DNAH9: variants seen among roughly 807,000 people sequenced by gnomAD.
The protein encoded by DNAH9 is DNAH9 variant protein.
In DNAH9, 345 loss-of-function variants were observed where a neutral mutation model predicts 471.6. That is an observed-to-expected ratio of 0.73 (90% CI 0.67 to 0.80). The LOEUF (loss-of-function observed/expected upper bound fraction) is 0.80. Ranked by LOEUF, DNAH9 falls within the 30% of genes least tolerant of loss-of-function variation. DNAH9 has a pLI of 0.00. For synonymous variants in DNAH9, 2,093 were observed against 2,123.6 expected (o/e 0.99, Z 0.40); for missense variants, 5,407 against 5,609.2 (o/e 0.96, Z 1.15).
chr17:11,660,102 TATTA>T (rs1263108179), intron 14 of DNAH9, among the ~76,000 whole-genome samples: 4 of 152,144 alleles, frequency 2.6e-5, no homozygotes, highest in East Asian at 1.9e-4. Context: ...TTTTCTAGTT[TATTA>T]ATTTATGTTT....
In DNAH9 at chr17:11,812,056, C is replaced by CATATATATATATACAT. The variant is rs371646004; in HGVS notation, c.8707+1688_8707+1689insTATATATATATACATA. Among the ~76,000 whole-genome samples the CATATATATATATACAT allele has an allele frequency of 6.3e-4, 40 of 63,412 alleles. 1 individual carries two copies. The highest frequency in any genetic ancestry group is 1.8e-3 in the Admixed American group (9 of 4,872). The allele number at this position is 63,412 out of a possible 152,430, so 41.6% of individuals were successfully genotyped here. A position where few individuals can be genotyped will look rare whatever the true frequency, so the allele number is the denominator to read the frequency against. On this transcript the variant is annotated intron_variant, in intron 45 of 68. Coordinates refer to ENST00000262442, the MANE Select transcript of DNAH9 (RefSeq NM_001372.4). ...ATATATATATATATATATATATATA[C>CATATATATATATACAT]ACATACATACACACATACATCCAAG...
rs1597786626 is a variant in DNAH9, at chr17:11,883,469, A to T, written c.10807-117A>T. On this transcript the variant is annotated intron_variant, in intron 55 of 68. Transcript: ENST00000262442. ...TGCTCATGGTCTGAAGCTCTTTGCC[A>T]TTCTGCCTCCACTTTACTATCTTTA... The T allele has an allele frequency of 3.1e-5, 41 of 1,328,600 alleles. 2 individuals are homozygous for T. In the African/African-American group the frequency reaches 3.8e-4, roughly 12 times the overall value. 82.3% of individuals were successfully genotyped at this position (1,328,600 alleles called of 1,614,324 possible). A position where few individuals can be genotyped will look rare whatever the true frequency, so the allele number is the denominator to read the frequency against.
chr17:11,701,370 A>G, intron 24 of DNAH9, 123 bp downstream of exon 24: 1 of 1,092,630 alleles, frequency 9.2e-7, no homozygotes, highest in South Asian at 1.5e-5. Context: ...GGGAGGCTTG[A>G]ATCCCAGACC....
intron 26 of DNAH9, 94 bp from the exon 27 acceptor site, chr17:11,719,240 C>A: frequency 7.7e-7 from 1 of 1,297,482 alleles, no homozygotes; most frequent in Non-Finnish European, 1.1e-6. Context: ...GCTTTCTTTT[C>A]AGAAGCTATG....
At chr17:11,818,368 G>A (rs933037549) in intron 45 of DNAH9, among the ~76,000 whole-genome samples, 3 of 151,910 alleles carry the variant, frequency 2.0e-5, no homozygotes, top group Admixed American at 1.3e-4. Context: ...GGCAGAGGTT[G>A]CAGTGAGCCA....
chr17:11,969,383 G>C lies in DNAH9; in HGVS notation c.13317G>C (p.Lys4439Asn). 3.7e-6 allele frequency: 6 copies of C among 1,614,096 alleles called. No individual in the cohort carries two copies. The highest frequency in any genetic ancestry group is 5.1e-6 in the Non-Finnish European group (6 of 1,180,014). The stretch of plus-strand genomic sequence containing the variant: ...TCATCAAGGCCATTCCTGCAGATAA[G>C]CAGGACTGCCGCAGTGTCTATTCCT... ...VMFIKAIPAD[K>N]QDCRSVYSCP... The change falls in exon 69 of 69, where the codon AAG (lysine) becomes AAC (asparagine). Residue 4439 changes from lysine to asparagine, a missense_variant. Physicochemically the swap from Lys to Asn is moderately conservative, Grantham distance 94. Coordinates refer to ENST00000262442, the MANE Select transcript of DNAH9 (RefSeq NM_001372.4).
intron 61 of DNAH9, among the ~76,000 whole-genome samples, chr17:11,917,295 T>C (rs949600183): frequency 7.9e-5 from 12 of 152,130 alleles, no homozygotes; most frequent in Admixed American, 7.9e-4. Flanking sequence ...TAGCTGGGAT[T>C]ACAGGCGCCC....
intron 35 of DNAH9, among the ~76,000 whole-genome samples, chr17:11,762,760 T>TTTTTTTTG (rs1567783148): frequency 9.6e-6 from 1 of 103,998 alleles, no homozygotes; most frequent in Non-Finnish European, 2.1e-5. Context: ...TTAGGTGCGT[T>TTTTTTTTG]TTTTTTTTTG....
At position 11,626,307 on chromosome 17, in the gene DNAH9, C is replaced by G. The variant is rs2072969306; in HGVS notation, c.1351-3110C>G. Among the ~76,000 whole-genome samples, 1 of 152,120 alleles carries G rather than the reference C, an allele frequency of 6.6e-6. No homozygotes were observed. Among genetic ancestry groups the G allele is most frequent in the African/African-American group, 2.4e-5 (1 of 41,406 alleles). ...ACTTTTAAATAAACAATGAAAAGAACTTACATTTACATAATTTAAGAATCG... is the reference window on the plus strand; with the variant it reads ...ACTTTTAAATAAACAATGAAAAGAAGTTACATTTACATAATTTAAGAATCG... On this transcript the variant is annotated intron_variant, in intron 6 of 68. Coordinates refer to ENST00000262442, the MANE Select transcript of DNAH9 (RefSeq NM_001372.4). The surrounding 1 kb of genome is among the most constrained non-coding windows in gnomAD (Gnocchi z 4.3).
At chr17:11,871,829 G>A in intron 52 of DNAH9, 43 bp downstream of exon 52, 1 of 1,595,630 alleles carries the variant, frequency 6.3e-7, no homozygotes, top group South Asian at 1.1e-5. Context: ...CAGCCTCTGG[G>A]CACCAATGGG....
rs1483925713 is a variant in DNAH9, at chr17:11,937,104, G to A, written c.12490-248G>A. 6.6e-6 allele frequency among the ~76,000 whole-genome samples: 1 copy of A among 152,106 alleles called. No individual in the cohort carries two copies. Among genetic ancestry groups the A allele is most frequent in the East Asian group, 1.9e-4 (1 of 5,184 alleles). ...TGTGGAGATAGATAAAGTCATCTAAGCCTCCCAGAAAAAAGAGAATGATAG... is the reference window on the plus strand; with the variant it reads ...TGTGGAGATAGATAAAGTCATCTAAACCTCCCAGAAAAAAGAGAATGATAG... On this transcript the variant is annotated intron_variant, in intron 65 of 68. Transcript: ENST00000262442. The surrounding 1 kb of genome is among the most constrained non-coding windows in gnomAD (Gnocchi z 4.1).
intron 26 of DNAH9, among the ~76,000 whole-genome samples, chr17:11,714,740 G>A (rs1373821309): frequency 6.6e-6 from 1 of 152,166 alleles, no homozygotes; most frequent in Non-Finnish European, 1.5e-5. Flanking sequence ...CAGATTTGAG[G>A]CATGAGAAGA....
Position 11,961,867 on chromosome 17 carries a change from G to A in DNAH9, c.12844G>A (p.Gly4282Arg), listed in dbSNP as rs770458735. 4 of 1,596,936 alleles carry A rather than the reference G, an allele frequency of 2.5e-6. No homozygotes were observed. Among genetic ancestry groups the A allele is most frequent in the Non-Finnish European group, 2.6e-6 (3 of 1,169,552 alleles). Reference protein sequence around the residue: ...SLRELELGLKGELTMTSHMEN... With the variant: ...SLRELELGLKRELTMTSHMEN... The stretch of plus-strand genomic sequence containing the variant: ...TCCCCCTCCCATTCTTTATCTTCAG[G>A]GGGAGCTGACTATGACCAGCCACAT... Residue 4282 changes from glycine to arginine, a missense_variant and splice_region_variant, in exon 68 of 69, where the codon GGG (glycine) becomes AGG (arginine). This residue lies in a region of DNAH9 where 4,636 missense variants were observed against 4,900.3 expected (regional missense o/e 0.95). Coordinates refer to ENST00000262442, the MANE Select transcript of DNAH9 (RefSeq NM_001372.4).
rs887233 is a variant in DNAH9, at chr17:11,699,983, G to T, written c.5025+100G>T. The T allele has an allele frequency of 0.94, 1,166,793 of 1,242,240 alleles. 558,932 individuals carry two copies. Among genetic ancestry groups the T allele is most frequent in the Non-Finnish European group, 0.99 (871,322 of 884,006 alleles). The allele number at this position is 1,242,240 out of a possible 1,614,324, so 77.0% of individuals were successfully genotyped here. The stretch of plus-strand genomic sequence containing the variant: ...CTCTAGGAGGGCCTTTCTGACCTTG[G>T]TCCAGAGCTGCTGTCCATGCCCTCC... On this transcript the variant is annotated intron_variant, in intron 23 of 68. Coordinates refer to ENST00000262442, the MANE Select transcript of DNAH9 (RefSeq NM_001372.4).
At chr17:11,797,319 A>G (rs1235245185) in intron 42 of DNAH9, among the ~76,000 whole-genome samples, 1 of 152,128 alleles carries the variant, frequency 6.6e-6, no homozygotes, top group Non-Finnish European at 1.5e-5. Context: ...CTTCTCACAG[A>G]AGCACTCTCT....
chr17:11,822,551 A>T lies in DNAH9; in HGVS notation c.8964A>T (p.Ala2988=), dbSNP rs1228194376. The change falls in exon 47 of 69, where the codon GCA becomes GCT. Residue 2988 remains alanine (A), a synonymous_variant. Coordinates refer to ENST00000262442, the MANE Select transcript of DNAH9 (RefSeq NM_001372.4). ...IHWFHEWPQQ[A]LESVSLRFLQ... ...GGTTCCACGAGTGGCCTCAGCAAGCATTGGAGTCTGTCAGCCTCCGCTTCT... is the reference window on the plus strand; with the variant it reads ...GGTTCCACGAGTGGCCTCAGCAAGCTTTGGAGTCTGTCAGCCTCCGCTTCT... 1 of 1,614,184 alleles carries T rather than the reference A, an allele frequency of 6.2e-7. No homozygotes were observed. The highest frequency in any genetic ancestry group is 8.5e-7 in the Non-Finnish European group (1 of 1,180,028).
intron 62 of DNAH9, among the ~76,000 whole-genome samples, chr17:11,928,445 G>T (rs992507080): frequency 3.3e-5 from 5 of 152,250 alleles, no homozygotes; most frequent in African/African-American, 9.6e-5. Flanking sequence ...GGCTTTGCAT[G>T]CTTACTTCCT....
At chr17:11,730,608 TG>T (rs1340604134) in intron 28 of DNAH9, among the ~76,000 whole-genome samples, 1 of 152,208 alleles carries the variant, frequency 6.6e-6, no homozygotes, top group African/African-American at 2.4e-5. Flanking sequence ...GGTCCACATC[TG>T]TAAAGGGAGT....
intron 10 of DNAH9, among the ~76,000 whole-genome samples, chr17:11,643,349 C>A (rs752745613): frequency 6.6e-6 from 1 of 152,094 alleles, no homozygotes; most frequent in Admixed American, 6.6e-5. Context: ...CTGGGAGGGA[C>A]CCTCATGTAA....
Sources: gnomAD v4.1 joint callset for allele counts (sites outside exome capture counted in the v4.1 genomes callset) on GRCh38, gnomAD v4.1.1 for gene constraint, gnomAD v4.1.1 regional missense constraint, Gnocchi (gnomAD v3.1) non-coding constraint, MANE v1.5 for transcripts, NCBI Gene and HGNC (gene_info 2026-07-23, HGNC 2026-07-21) for gene names.